Variants in PRDM10 observed in about 807,000 individuals in gnomAD.
PRDM10 encodes PR/SET domain 10, also known as PR domain zinc finger protein 10.
A neutral mutation model predicts 133.1 loss-of-function variants in PRDM10; 65 were observed. The observed-to-expected ratio is 0.49, with a 90% CI of 0.40 to 0.60. The LOEUF (loss-of-function observed/expected upper bound fraction) is 0.60. PRDM10 is among the 20% of genes least tolerant of loss of function. The pLI, the probability that PRDM10 is intolerant of heterozygous loss-of-function variation, is 0.00. For synonymous variants in PRDM10, 582 were observed against 580.4 expected (o/e 1.00, Z -0.04); for missense variants, 1,137 against 1,507.1 (o/e 0.75, Z 4.07).
chr11:129,964,844 T>C (rs969781159), intron 1 of PRDM10, among the ~76,000 whole-genome samples: 8 of 152,188 alleles, frequency 5.3e-5, no homozygotes, highest in Non-Finnish European at 2.9e-5. Context: ...TGATTATCTA[T>C]CATATGTAAA....
intron 2 of PRDM10, 62 bp downstream of exon 2, chr11:129,960,834 G>C: frequency 6.5e-7 from 1 of 1,549,640 alleles, no homozygotes. Context: ...TTTCTTTGCT[G>C]TCAGCAAACT....
chr11:129,933,292 C>T (rs1591623403), intron 9 of PRDM10, among the ~76,000 whole-genome samples: 2 of 152,166 alleles, frequency 1.3e-5, no homozygotes, highest in South Asian at 4.1e-4. Flanking sequence ...GAGACTAGCA[C>T]GATGAGCCCA....
At chr11:129,952,146 T>G (rs953545440) in intron 4 of PRDM10, among the ~76,000 whole-genome samples, 1 of 152,216 alleles carries the variant, frequency 6.6e-6, no homozygotes, top group Admixed American at 6.5e-5. Context: ...AGTACAACTT[T>G]CCTTTTGAGC....
intron 1 of PRDM10, among the ~76,000 whole-genome samples, chr11:130,002,230 G>C (rs1481954542): frequency 6.7e-6 from 1 of 148,906 alleles, no homozygotes; most frequent in Non-Finnish European, 1.5e-5. Flanking sequence ...GCCGCCGCCG[G>C]AGCGCGCAGG....
At chr11:129,971,736 G>A (rs1415590388) in intron 1 of PRDM10, among the ~76,000 whole-genome samples, 2 of 152,238 alleles carry the variant, frequency 1.3e-5, no homozygotes, top group Admixed American at 6.5e-5. Context: ...GACTCTCCAC[G>A]TCCCCACCAG....
intron 11 of PRDM10, among the ~76,000 whole-genome samples, chr11:129,925,749 G>T (rs543818505): frequency 5.9e-5 from 9 of 152,114 alleles, no homozygotes; most frequent in Non-Finnish European, 1.0e-4. Flanking sequence ...AGAACTGAAG[G>T]GTAGTCCTTG....
chr11:129,976,346 T>C (rs1179606301), intron 1 of PRDM10, among the ~76,000 whole-genome samples: 2 of 152,106 alleles, frequency 1.3e-5, no homozygotes, highest in Admixed American at 1.3e-4. Flanking sequence ...CACTGTGTCC[T>C]CAAGCATGGC....
chr11:129,954,261 T>A (rs550938326), intron 4 of PRDM10, among the ~76,000 whole-genome samples: 2,575 of 126,482 alleles, frequency 0.02, 31 homozygotes, highest in Non-Finnish European at 0.027. Flanking sequence ...TAATTTAATT[T>A]ATTTATTTTT....
Position 129,957,923 on chromosome 11 carries a change from G to T in PRDM10, c.70-13C>A. On this transcript the variant is annotated splice_polypyrimidine_tract_variant and intron_variant, in intron 2 of 20. Transcript: ENST00000360871. Reference sequence around the variant, plus strand: ...GAACAAAGTGCACCTGGCATAAACAGGAGACAAAGAACAAAATCAGTATCA... The same window carrying T: ...GAACAAAGTGCACCTGGCATAAACATGAGACAAAGAACAAAATCAGTATCA... The T allele has an allele frequency of 1.2e-6, 2 of 1,601,530 alleles. No individual in the cohort carries two copies. Among genetic ancestry groups the T allele is most frequent in the South Asian group, 2.2e-5 (2 of 89,590 alleles).
Position 129,947,453 on chromosome 11 carries a change from G to C in PRDM10, c.295-83C>G. On this transcript the variant is annotated intron_variant, in intron 4 of 20. Transcript: ENST00000360871. This position sits in a 1 kb window ranked among gnomAD's most constrained non-coding sequence, Gnocchi z 4.6. The stretch of plus-strand genomic sequence containing the variant: ...TGGTGCCTGCTGGCACAAACAGGGC[G>C]CAAGGGCTGGCTGAAATCTAGTCTT... The C allele has an allele frequency of 2.5e-6, 4 of 1,584,804 alleles. No homozygotes were observed. Among genetic ancestry groups the C allele is most frequent in the Non-Finnish European group, 3.4e-6 (4 of 1,161,016 alleles).
chr11:129,959,290 TAA>T (rs1206949570), intron 2 of PRDM10, among the ~76,000 whole-genome samples: 2 of 152,262 alleles, frequency 1.3e-5, no homozygotes, highest in Non-Finnish European at 2.9e-5. Context: ...GTCTGGAAGA[TAA>T]AGTTTGTCTA....
Position 129,925,246 on chromosome 11 carries a change from A to G in PRDM10, c.1531-17T>C. ...AGCTGCATTCTGAAAGACATACACA[A>G]ATGTGATCATTTAGTGATGAAATTA... On this transcript the variant is annotated splice_polypyrimidine_tract_variant and intron_variant, in intron 11 of 20. Transcript: ENST00000360871. The G allele has an allele frequency of 6.3e-7, 1 of 1,578,176 alleles. No homozygotes were observed. The highest frequency in any genetic ancestry group is 8.6e-7 in the Non-Finnish European group (1 of 1,162,260).
rs955736653 is a variant in PRDM10, at chr11:129,900,727, T to A, written c.*1586A>T. The stretch of plus-strand genomic sequence containing the variant: ...TGCAGGGTCAATATTTTCTGTTGAA[T>A]ATCTTTGTCACAAAGAGAGTCCATT... On this transcript the variant is annotated 3_prime_UTR_variant, in exon 21 of 21. Coordinates refer to ENST00000360871, the MANE Select transcript of PRDM10 (RefSeq NM_199437.2). 1.3e-5 allele frequency: 2 copies of A among 152,232 alleles called. No homozygotes were observed. Among genetic ancestry groups the A allele is most frequent in the African/African-American group, 4.8e-5 (2 of 41,452 alleles). The allele number at this position is 152,232 out of a possible 1,614,324, so 9.4% of individuals were successfully genotyped here.
chr11:129,905,144 A>G (rs1949971985), intron 20 of PRDM10, among the ~76,000 whole-genome samples: 1 of 152,056 alleles, frequency 6.6e-6, no homozygotes, highest in South Asian at 2.1e-4. Flanking sequence ...TGGGCGGATC[A>G]TGAGGTCAGG....
chr11:129,992,332 G>A (rs965804384), intron 1 of PRDM10, among the ~76,000 whole-genome samples: 6 of 152,210 alleles, frequency 3.9e-5, no homozygotes, highest in East Asian at 1.9e-4. Flanking sequence ...CACCTATCCC[G>A]TGCCAGGCAC....
At chr11:129,983,345 A>G (rs1261410480) in intron 1 of PRDM10, among the ~76,000 whole-genome samples, 1 of 146,436 alleles carries the variant, frequency 6.8e-6, no homozygotes, top group Non-Finnish European at 1.5e-5. Context: ...CCCAGGCTGG[A>G]GTGCAGTGGC....
At chr11:129,902,668 G>C in intron 20 of PRDM10, 152 bp from the exon 21 acceptor site, 1 of 1,318,634 alleles carries the variant, frequency 7.6e-7, no homozygotes, top group Non-Finnish European at 1.0e-6. Context: ...AGAGAGGGTG[G>C]ATCAGTCACA....
chr11:129,931,662 G>C, intron 10 of PRDM10, among the ~76,000 whole-genome samples: 1 of 151,270 alleles, frequency 6.6e-6, no homozygotes, highest in East Asian at 1.9e-4. Context: ...CCGCCTCCCG[G>C]TTCACGCCAT....
chr11:129,958,133 A>C (rs1218103675), intron 2 of PRDM10, among the ~76,000 whole-genome samples: 1 of 152,198 alleles, frequency 6.6e-6, no homozygotes, highest in Non-Finnish European at 1.5e-5. Context: ...CAAATGGCCA[A>C]TGCAGATAAC....
Sources: allele counts gnomAD v4.1 joint callset (sites outside exome capture counted in the v4.1 genomes callset), GRCh38; gene constraint gnomAD v4.1.1; non-coding constraint Gnocchi (gnomAD v3.1); transcripts MANE v1.5; gene names NCBI Gene and HGNC (gene_info 2026-07-23, HGNC 2026-07-21).